KAZN: variants seen among roughly 807,000 people sequenced by gnomAD.
KAZN encodes kazrin, periplakin interacting protein.
Under a neutral mutation model 87.4 loss-of-function variants are expected in KAZN, and 40 were observed. The ratio of observed to expected loss-of-function variants is 0.46; its 90% confidence interval spans 0.36 to 0.60. KAZN has a LOEUF of 0.60. Ranked by LOEUF, KAZN falls within the 20% of genes least tolerant of loss-of-function variation. The pLI is 0.00. For synonymous variants in KAZN, 466 were observed against 458.3 expected, an observed-to-expected ratio of 1.02 and a Z score of -0.22; for missense variants, 898 against 1,073.9, an observed-to-expected ratio of 0.84 and a Z score of 2.29.
upstream of KAZN, among the ~76,000 whole-genome samples, chr1:14,596,996 A>C (rs1339598213): frequency 1.3e-5 from 2 of 152,238 alleles, no homozygotes; most frequent in Non-Finnish European, 2.9e-5. Context: ...TAACTGTTCA[A>C]GGAACTGCTA....
chr1:15,000,446 C>T (rs751096668), intron 2 of KAZN, among the ~76,000 whole-genome samples: 5 of 151,824 alleles, frequency 3.3e-5, no homozygotes, highest in East Asian at 3.9e-4. Context: ...GATTCTAATG[C>T]ACAACCCAGA....
chr1:14,470,268 C>T (rs942677166), intron 2 of KAZN, among the ~76,000 whole-genome samples: 13 of 151,024 alleles, frequency 8.6e-5, no homozygotes, highest in African/African-American at 3.2e-4. Flanking sequence ...AAACATGAAG[C>T]AGCCTCCTTA....
chr1:15,085,726 G>T (rs919510106), intron 8 of KAZN, among the ~76,000 whole-genome samples: 1 of 152,196 alleles, frequency 6.6e-6, no homozygotes, highest in Admixed American at 6.5e-5. Flanking sequence ...AGAAAGTTCT[G>T]TTGGACAGCA....
At position 14,184,163 on chromosome 1, in the gene KAZN, ACT is replaced by A. The variant is rs946334325; in HGVS notation, c.249+3575_249+3576del. Among the ~76,000 whole-genome samples, 15 of 151,092 alleles carry A rather than the reference ACT, an allele frequency of 9.9e-5. No homozygotes were observed. The highest frequency in any genetic ancestry group is 2.9e-4 in the African/African-American group (12 of 41,070). ...ACCTGAAATTTGCTTTACTCTTCAA[ACT>A]CTCCGTTTTTCCTTCTGCCCTTGTC... On this transcript the variant is annotated intron_variant, in intron 2 of 16. Transcript: ENST00000636203. The surrounding 1 kb of genome is among the most constrained non-coding windows in gnomAD (Gnocchi z 4.2).
chr1:14,578,959 G>A (rs915610353), intron 2 of KAZN, among the ~76,000 whole-genome samples: 1 of 152,032 alleles, frequency 6.6e-6, no homozygotes, highest in African/African-American at 2.4e-5. Flanking sequence ...AAAACTTTTT[G>A]TCCTTTTCTT....
intron 1 of KAZN, among the ~76,000 whole-genome samples, chr1:14,030,940 C>G (rs1049581379): frequency 6.6e-6 from 1 of 152,098 alleles, no homozygotes; most frequent in Non-Finnish European, 1.5e-5. Flanking sequence ...GCACCATAGG[C>G]ATTTAATGAA....
chr1:13,956,888 G>A (rs1641570930), intron 1 of KAZN, among the ~76,000 whole-genome samples: 1 of 152,186 alleles, frequency 6.6e-6, no homozygotes, highest in South Asian at 2.1e-4. Flanking sequence ...GGACATGAGA[G>A]TTGTTGGTTA....
chr1:14,393,100 A>G (rs757519988), intron 2 of KAZN, among the ~76,000 whole-genome samples: 14 of 152,178 alleles, frequency 9.2e-5, no homozygotes, highest in Non-Finnish European at 1.8e-4. Context: ...TTTGTTTTTA[A>G]GGTTCCACCA....
At chr1:14,481,168 T>C (rs1417459720) in intron 2 of KAZN, among the ~76,000 whole-genome samples, 2 of 152,066 alleles carry the variant, frequency 1.3e-5, no homozygotes, top group African/African-American at 4.8e-5. Flanking sequence ...TAAGTTCAAA[T>C]TCTACCTCTG....
chr1:14,192,600 A>G (rs72865725), intron 2 of KAZN, among the ~76,000 whole-genome samples: 2,655 of 152,294 alleles, frequency 0.017, 83 homozygotes, highest in African/African-American at 0.06. Flanking sequence ...GCTGTACACT[A>G]GTGTTCGTAA....
intron 1 of KAZN, among the ~76,000 whole-genome samples, chr1:14,865,060 T>A (rs975395172): frequency 9.2e-5 from 14 of 152,100 alleles, no homozygotes; most frequent in African/African-American, 3.4e-4. Flanking sequence ...TCTTTCCCCG[T>A]CCAAAATGGA....
chr1:14,685,327 T>C (rs1264939809), intron 1 of KAZN, among the ~76,000 whole-genome samples: 10 of 152,140 alleles, frequency 6.6e-5, no homozygotes, highest in African/African-American at 9.7e-5. Flanking sequence ...TTCCCATCAG[T>C]CGTTGGTATG....
At chr1:15,034,614 A>G (rs1672070029) in intron 2 of KAZN, 135 bp from the exon 3 acceptor site, 2 of 1,074,324 alleles carry the variant, frequency 1.9e-6, no homozygotes, top group Admixed American at 2.5e-5. Flanking sequence ...GGCACATGGA[A>G]GGGACATTTC....
intron 2 of KAZN, among the ~76,000 whole-genome samples, chr1:14,303,054 C>G (rs1421186081): frequency 3.3e-5 from 5 of 152,162 alleles, no homozygotes; most frequent in African/African-American, 1.2e-4. Flanking sequence ...CTTGAAGGTA[C>G]ATTTTTCTTC....
intron 1 of KAZN, among the ~76,000 whole-genome samples, chr1:14,061,059 A>G (rs1420709170): frequency 6.6e-6 from 1 of 152,218 alleles, no homozygotes; most frequent in Admixed American, 6.5e-5. Context: ...AGAAAAATCT[A>G]GAAGCACAAT....
intron 2 of KAZN, among the ~76,000 whole-genome samples, chr1:14,414,479 GACC>G (rs1308077391): frequency 6.6e-6 from 1 of 152,090 alleles, no homozygotes; most frequent in Admixed American, 6.5e-5. Context: ...ATTGAACCAG[GACC>G]ACATGCATCA....
chr1:14,860,741 A>C (rs186853719), intron 1 of KAZN, among the ~76,000 whole-genome samples: 1 of 152,362 alleles, frequency 6.6e-6, no homozygotes, highest in Admixed American at 6.5e-5. Context: ...CAACACACGC[A>C]TATGCTGAGT....
At chr1:14,343,406 G>A (rs577865803) in intron 2 of KAZN, among the ~76,000 whole-genome samples, 1 of 152,296 alleles carries the variant, frequency 6.6e-6, no homozygotes, top group Non-Finnish European at 1.5e-5. Context: ...TGAAACGCTT[G>A]ACTGCAGAAG....
rs1644973153 is a variant in KAZN at position 14,769,693 on chromosome 1, T to C, written c.226+170470T>C. Among the ~76,000 whole-genome samples the C allele has an allele frequency of 6.6e-6, 1 of 152,230 alleles. No individual in the cohort carries two copies. Among genetic ancestry groups the C allele is most frequent in the Non-Finnish European group, 1.5e-5 (1 of 68,044 alleles). On this transcript the variant is annotated intron_variant, in intron 1 of 14. Coordinates refer to ENST00000376030, the MANE Select transcript of KAZN (RefSeq NM_201628.3). This position sits in a 1 kb window ranked among gnomAD's most constrained non-coding sequence, Gnocchi z 4.1. ...TTACCAACAGAGGGCTCTTGATTAG[T>C]GTCTAAGTGATTGCGGGAAATTAAC...
Sources: allele counts gnomAD v4.1 joint callset (sites outside exome capture counted in the v4.1 genomes callset), GRCh38; gene constraint gnomAD v4.1.1; non-coding constraint Gnocchi (gnomAD v3.1); transcripts MANE v1.5; gene names NCBI Gene and HGNC (gene_info 2026-07-23, HGNC 2026-07-21).